UBE2E2: variants seen among roughly 807,000 people sequenced by gnomAD.
UBE2E2 encodes ubiquitin conjugating enzyme E2 E2, also known as ubiquitin-conjugating enzyme E2 E2.
A neutral mutation model predicts 24.7 loss-of-function variants in UBE2E2; 6 were observed. That is an observed-to-expected ratio of 0.24 (90% CI 0.13 to 0.48). The LOEUF is 0.48. Among genes scored for constraint, UBE2E2 ranks in the 20% least tolerant of loss-of-function variants. UBE2E2 has a pLI of 0.99. For missense variants in UBE2E2, 169 were observed against 245.0 expected (o/e 0.69, Z 2.07); for synonymous variants, 104 against 83.6 (o/e 1.24, Z -1.33).
At chr3:23,559,623 C>CCTTT (rs1234619836) in intron 5 of UBE2E2, among the ~76,000 whole-genome samples, 1 of 152,076 alleles carries the variant, frequency 6.6e-6, no homozygotes, top group African/African-American at 2.4e-5. Context: ...CCACTCCTTT[C>CCTTT]CTTTCTTTCT....
chr3:23,366,280 A>G (rs1559363116), intron 3 of UBE2E2, among the ~76,000 whole-genome samples: 1 of 152,218 alleles, frequency 6.6e-6, no homozygotes, highest in African/African-American at 2.4e-5. Flanking sequence ...TAAAACAGAA[A>G]TACCATTCAA....
intron 3 of UBE2E2, among the ~76,000 whole-genome samples, chr3:23,325,833 C>T (rs1238626584): frequency 6.6e-6 from 1 of 152,210 alleles, no homozygotes; most frequent in Non-Finnish European, 1.5e-5. Context: ...CCTAACTTCT[C>T]TTATCCTGGC....
At chr3:23,331,507 G>A (rs1381472331) in intron 3 of UBE2E2, among the ~76,000 whole-genome samples, 5 of 151,266 alleles carry the variant, frequency 3.3e-5, no homozygotes, top group Admixed American at 6.6e-5. Context: ...ATGGGGGCAG[G>A]GAGGGGGGTA....
At chr3:23,454,130 G>C (rs886132157) in intron 3 of UBE2E2, among the ~76,000 whole-genome samples, 13 of 152,008 alleles carry the variant, frequency 8.6e-5, no homozygotes, top group African/African-American at 2.9e-4. Context: ...TGTCAGTTTT[G>C]TTCTGTTTGA....
chr3:23,304,877 A>G (rs1252392939), intron 3 of UBE2E2, among the ~76,000 whole-genome samples: 3 of 150,100 alleles, frequency 2.0e-5, no homozygotes, highest in East Asian at 1.9e-4. Flanking sequence ...TGTAACTTCT[A>G]TTTTTTTTTC....
At chr3:23,386,817 C>T (rs1010688831) in intron 3 of UBE2E2, among the ~76,000 whole-genome samples, 5 of 152,196 alleles carry the variant, frequency 3.3e-5, no homozygotes, top group African/African-American at 1.2e-4. Context: ...TCTGTCAATA[C>T]ATATGGCTTA....
intron 3 of UBE2E2, among the ~76,000 whole-genome samples, chr3:23,295,667 A>G (rs1287580997): frequency 6.6e-6 from 1 of 152,158 alleles, no homozygotes; most frequent in Non-Finnish European, 1.5e-5. Flanking sequence ...CACGAGAGGG[A>G]GTTTGGAGCA....
chr3:23,452,137 C>A (rs1698573722), intron 3 of UBE2E2, among the ~76,000 whole-genome samples: 1 of 152,088 alleles, frequency 6.6e-6, no homozygotes, highest in African/African-American at 2.4e-5. Flanking sequence ...TTGCATAGTT[C>A]AAAAATTGTT....
chr3:23,355,271 C>G (rs1380037948), intron 3 of UBE2E2, among the ~76,000 whole-genome samples: 1 of 151,676 alleles, frequency 6.6e-6, no homozygotes, highest in Non-Finnish European at 1.5e-5. Context: ...GGAGATATAC[C>G]TAATGCTACA....
chr3:23,273,094 A>G (rs1392300606), intron 3 of UBE2E2, among the ~76,000 whole-genome samples: 1 of 152,190 alleles, frequency 6.6e-6, no homozygotes, highest in Non-Finnish European at 1.5e-5. Flanking sequence ...TGTTTGACCA[A>G]ATGTCTGGAC....
intron 3 of UBE2E2, among the ~76,000 whole-genome samples, chr3:23,426,960 A>C (rs971291405): frequency 2.0e-5 from 3 of 152,168 alleles, no homozygotes; most frequent in Admixed American, 6.5e-5. Flanking sequence ...AGAAAGAAAT[A>C]ACAACAATGG....
At chr3:23,431,768 G>A (rs963460694) in intron 3 of UBE2E2, among the ~76,000 whole-genome samples, 9 of 152,010 alleles carry the variant, frequency 5.9e-5, no homozygotes, top group Admixed American at 4.6e-4. Context: ...ACCACTATAC[G>A]TAGAAATATC....
chr3:23,291,781 C>G (rs1163459987), intron 3 of UBE2E2, among the ~76,000 whole-genome samples: 4 of 136,698 alleles, frequency 2.9e-5, no homozygotes, highest in African/African-American at 1.1e-4. Flanking sequence ...CCCCTGGGTT[C>G]AAGCAATTCT....
intron 3 of UBE2E2, among the ~76,000 whole-genome samples, chr3:23,378,139 A>G (rs1416508392): frequency 1.3e-5 from 2 of 151,862 alleles, no homozygotes; most frequent in East Asian, 3.9e-4. Flanking sequence ...AAATAAAAAT[A>G]CAAACTGAGC....
chr3:23,530,713 C>T (rs972101661), intron 4 of UBE2E2, among the ~76,000 whole-genome samples: 9 of 152,198 alleles, frequency 5.9e-5, no homozygotes, highest in African/African-American at 2.2e-4. Context: ...TACTGAAAGA[C>T]TAGCCATTCG....
In UBE2E2 at chr3:23,219,712, C is replaced by G. The variant is rs1696572408; in HGVS notation, c.227+2400C>G. Among the ~76,000 whole-genome samples, 2 of 152,188 alleles carry G rather than the reference C, an allele frequency of 1.3e-5. 1 individual carries two copies. The highest frequency in any genetic ancestry group is 4.1e-4 in the South Asian group (2 of 4,828). ...ACTCTGCTCCCTTTGTGGATTACCT[C>G]TCCTATCACACATGCCTCTCAAAAC... On this transcript the variant is annotated intron_variant, in intron 3 of 5. Transcript: ENST00000396703.
At chr3:23,374,164 A>C (rs1312344257) in intron 3 of UBE2E2, among the ~76,000 whole-genome samples, 1 of 152,188 alleles carries the variant, frequency 6.6e-6, no homozygotes, top group Non-Finnish European at 1.5e-5. Flanking sequence ...CAGCTTAATA[A>C]AATTACATGT....
At chr3:23,355,742 C>T (rs185967496) in intron 3 of UBE2E2, among the ~76,000 whole-genome samples, 4 of 152,160 alleles carry the variant, frequency 2.6e-5, no homozygotes, top group African/African-American at 9.7e-5. Flanking sequence ...ATCTATAAAA[C>T]CTGTATTGCA....
chr3:23,323,200 G>T (rs766309187), intron 3 of UBE2E2, among the ~76,000 whole-genome samples: 8 of 152,016 alleles, frequency 5.3e-5, no homozygotes, highest in Non-Finnish European at 4.4e-5. Context: ...AGGTAGGTTG[G>T]ACAGCTTTTA....
Sources: gnomAD v4.1 joint callset for allele counts (sites outside exome capture counted in the v4.1 genomes callset) on GRCh38, gnomAD v4.1.1 for gene constraint, MANE v1.5 for transcripts, NCBI Gene and HGNC (gene_info 2026-07-23, HGNC 2026-07-21) for gene names.